The following CCSER1 variants were observed in gnomAD, a reference collection of about 807,000 sequenced individuals.
CCSER1 encodes coiled-coil serine rich protein 1, also known as serine-rich coiled-coil domain-containing protein 1.
Under a neutral mutation model 82.0 loss-of-function variants are expected in CCSER1, and 41 were observed. The ratio of observed to expected loss-of-function variants is 0.50; its 90% CI spans 0.39 to 0.65. The LOEUF is 0.65. CCSER1 is among the 30% of genes least tolerant of loss of function. The pLI is 0.00. For synonymous variants in CCSER1, 414 were observed against 383.9 expected, an observed-to-expected ratio of 1.08 and a Z score of -0.92; for missense variants, 1,119 against 1,064.2, an observed-to-expected ratio of 1.05 and a Z score of -0.72.
chr4:91,238,990 A>T (rs1405884177), intron 10 of CCSER1, among the ~76,000 whole-genome samples: 5 of 151,868 alleles, frequency 3.3e-5, no homozygotes, highest in African/African-American at 9.7e-5. Flanking sequence ...TGCCTGGCTA[A>T]TTTTTTTGTA....
rs558069449 is a variant in CCSER1 at position 91,073,495 on chromosome 4, G to A, written c.2173-12455G>A. ...ATTCTGTAAACCTATGACACTCCTCGATATTATCACTTACAAAACGAATCC... is the reference window on the plus strand; with the variant it reads ...ATTCTGTAAACCTATGACACTCCTCAATATTATCACTTACAAAACGAATCC... On this transcript the variant is annotated intron_variant, in intron 9 of 10. Coordinates refer to ENST00000509176, the MANE Select transcript of CCSER1 (RefSeq NM_001145065.2). Among the ~76,000 whole-genome samples, 7 of 152,090 alleles carry A rather than the reference G, an allele frequency of 4.6e-5. No individual in the cohort carries two copies. In the East Asian group the frequency reaches 9.7e-4, roughly 21 times the overall value.
intron 10 of CCSER1, among the ~76,000 whole-genome samples, chr4:91,510,361 T>A (rs2110113835): frequency 6.6e-6 from 1 of 152,302 alleles, no homozygotes; most frequent in Non-Finnish European, 1.5e-5. Flanking sequence ...TTATTTTGAT[T>A]GTTGGGTTGA....
In CCSER1 at chr4:91,367,149, AAG is replaced by A. The variant is rs1749673316; in HGVS notation, c.2218-231419_2218-231418del. On this transcript the variant is annotated intron_variant, in intron 10 of 10. Transcript: ENST00000509176. ...TCTCTCCAAAAAAAAAAAAAAAAAA[AAG>A]AGAAAAAAATGCAAAGTTCGCTTGT... Among the ~76,000 whole-genome samples, 11 of 148,806 alleles carry A rather than the reference AAG, an allele frequency of 7.4e-5. No homozygotes were observed. In the South Asian group the frequency reaches 1.1e-3, roughly 14 times the overall value.
chr4:90,308,837 T>A lies in CCSER1; in HGVS notation c.553T>A (p.Phe185Ile). Residue 185 changes from phenylalanine (F) to isoleucine (I), a missense_variant, in exon 2 of 11, where the codon TTT (phenylalanine) becomes ATT (isoleucine). By Grantham distance (21) the Phe-to-Ile change is conservative. Transcript: ENST00000509176. ...QSTRKLLPKS[F>I]SSHYKFSKPV... ...AACAAGGAAGCTACTCCCTAAATCTTTTTCATCTCACTATAAATTTTCTAA... is the reference window on the plus strand; with the variant it reads ...AACAAGGAAGCTACTCCCTAAATCTATTTCATCTCACTATAAATTTTCTAA... The A allele has an allele frequency of 1.2e-6, 2 of 1,613,746 alleles. No individual in the cohort carries two copies. The highest frequency in any genetic ancestry group is 1.7e-6 in the Non-Finnish European group (2 of 1,179,824).
At chr4:90,984,797 C>G in intron 9 of CCSER1, among the ~76,000 whole-genome samples, 1 of 151,832 alleles carries the variant, frequency 6.6e-6, no homozygotes, top group East Asian at 1.9e-4. Flanking sequence ...GACACTCTTT[C>G]TACAGTCAGA....
chr4:90,283,426 G>A (rs868411542), intron 1 of CCSER1, among the ~76,000 whole-genome samples: 3 of 151,916 alleles, frequency 2.0e-5, no homozygotes, highest in South Asian at 2.1e-4. Context: ...CAAGCATATA[G>A]CATGCAATGA....
rs1329766719 is a variant in CCSER1, at chr4:91,031,912, A to AT, written c.2173-54032dup. ...AAATTCATTCATGTGTCATATAGAC[A>AT]TTTTTTCCTAATATTTCCTAATGTT... is the stretch of plus-strand genomic sequence containing the variant. On this transcript the variant is annotated intron_variant, in intron 9 of 10. Transcript: ENST00000509176. 2.6e-5 allele frequency among the ~76,000 whole-genome samples: 4 copies of AT among 152,046 alleles called. No individual in the cohort carries two copies. The South Asian group carries it at 8.3e-4, about 31-fold the overall frequency.
chr4:90,235,429 A>C (rs1336637949), intron 1 of CCSER1: 1 of 152,174 alleles, frequency 6.6e-6, no homozygotes, highest in Admixed American at 6.6e-5. Context: ...TCTTCCTCTG[A>C]GATTTCTTTT....
At chr4:91,079,778 G>C (rs1722482006) in intron 9 of CCSER1, among the ~76,000 whole-genome samples, 1 of 152,100 alleles carries the variant, frequency 6.6e-6, no homozygotes, top group African/African-American at 2.4e-5. Flanking sequence ...CCTAGTCTCT[G>C]ATAAAACAGA....
At chr4:90,703,195 A>G (rs1218310200) in intron 6 of CCSER1, among the ~76,000 whole-genome samples, 3 of 152,208 alleles carry the variant, frequency 2.0e-5, no homozygotes, top group Non-Finnish European at 2.9e-5. Flanking sequence ...TTGGTTTCAA[A>G]GAACAACTTT....
At chr4:91,589,271 A>C (rs1764152251) in intron 10 of CCSER1, among the ~76,000 whole-genome samples, 2 of 151,896 alleles carry the variant, frequency 1.3e-5, no homozygotes, top group South Asian at 4.1e-4. Context: ...AGAATCATTT[A>C]AGCAAGAAAT....
At chr4:90,343,077 C>G (rs1561062304) in intron 3 of CCSER1, among the ~76,000 whole-genome samples, 1 of 152,120 alleles carries the variant, frequency 6.6e-6, no homozygotes, top group East Asian at 1.9e-4. Flanking sequence ...TCTCTTTCTT[C>G]AGGTCAGCCT....
chr4:90,860,030 T>G (rs1044668646), intron 8 of CCSER1, among the ~76,000 whole-genome samples: 24 of 151,662 alleles, frequency 1.6e-4, no homozygotes, highest in African/African-American at 5.8e-4. Flanking sequence ...AATTAAAAAC[T>G]TTTTGGCATT....
chr4:90,463,262 T>C (rs1446366050), intron 4 of CCSER1, among the ~76,000 whole-genome samples: 3 of 152,178 alleles, frequency 2.0e-5, no homozygotes, highest in Non-Finnish European at 4.4e-5. Flanking sequence ...GTATAAACAA[T>C]TGAAAAAGAT....
chr4:90,524,902 A>G (rs1046690726), intron 5 of CCSER1, among the ~76,000 whole-genome samples: 6 of 152,134 alleles, frequency 3.9e-5, no homozygotes, highest in Non-Finnish European at 8.8e-5. Flanking sequence ...AATTGCCAGT[A>G]TTAAGTATCT....
chr4:91,417,692 T>C (rs1233435355), intron 10 of CCSER1, among the ~76,000 whole-genome samples: 4 of 150,834 alleles, frequency 2.7e-5, no homozygotes, highest in Non-Finnish European at 5.9e-5. Flanking sequence ...GGCCTGTCAT[T>C]GGGGGTCAAG....
chr4:90,149,622 A>G lies in CCSER1; in HGVS notation c.-42+21791A>G, dbSNP rs186046469. The stretch of plus-strand genomic sequence containing the variant: ...ATTGAAATTAAAAATAAACTTACGA[A>G]TATCTTTGGCCTCTATATGACAATT... On this transcript the variant is annotated intron_variant, in intron 1 of 10. Coordinates refer to ENST00000509176, the MANE Select transcript of CCSER1 (RefSeq NM_001145065.2). 2.0e-5 allele frequency among the ~76,000 whole-genome samples: 3 copies of G among 152,280 alleles called. No homozygotes were observed. The East Asian group carries it at 5.8e-4, about 29-fold the overall frequency.
At chr4:90,912,767 A>G (rs1286545649) in intron 8 of CCSER1, among the ~76,000 whole-genome samples, 1 of 152,198 alleles carries the variant, frequency 6.6e-6, no homozygotes, top group Admixed American at 6.5e-5. Flanking sequence ...GGCTAACTAG[A>G]ATAACCAGTG....
chr4:91,420,826 G>T (rs1331984031), intron 10 of CCSER1, among the ~76,000 whole-genome samples: 1 of 152,134 alleles, frequency 6.6e-6, no homozygotes, highest in Non-Finnish European at 1.5e-5. Flanking sequence ...AAATGTGATA[G>T]AGATAGATAG....
Sources: gnomAD v4.1 joint callset for allele counts (sites outside exome capture counted in the v4.1 genomes callset) on GRCh38, gnomAD v4.1.1 for gene constraint, MANE v1.5 for transcripts, NCBI Gene and HGNC (gene_info 2026-07-23, HGNC 2026-07-21) for gene names.